Variants in TRIM2 observed in about 807,000 individuals in gnomAD.
TRIM2 encodes the protein tripartite motif-containing protein 2.
Under a neutral mutation model 75.2 loss-of-function variants are expected in TRIM2, and 20 were observed. That is an observed-to-expected ratio of 0.27 (90% confidence interval 0.19 to 0.39). The LOEUF (loss-of-function observed/expected upper bound fraction) is 0.39. Ranked by LOEUF, TRIM2 falls within the 10% of genes least tolerant of loss-of-function variation. TRIM2 has a pLI of 1.00. For missense variants in TRIM2, 660 were observed against 990.8 expected (o/e 0.67, Z 4.48); for synonymous variants, 373 against 388.3 (o/e 0.96, Z 0.46).
At chr4:153,213,302 T>C (rs1737575036) in intron 1 of TRIM2, among the ~76,000 whole-genome samples, 1 of 152,220 alleles carries the variant, frequency 6.6e-6, no homozygotes, top group African/African-American at 2.4e-5. Context: ...TTATATTCTT[T>C]TGCATGAATG....
Position 153,336,452 on chromosome 4 carries a change from G to C in TRIM2, c.*1486G>C, listed in dbSNP as rs1416921060. The C allele has an allele frequency of 1.0e-6, 1 of 985,328 alleles. No homozygotes were observed. The highest frequency in any genetic ancestry group is 1.2e-6 in the Non-Finnish European group (1 of 829,776). 61.0% of individuals were successfully genotyped at this position (985,328 alleles called of 1,614,324 possible). A position where few individuals can be genotyped will look rare whatever the true frequency, so the allele number is the denominator to read the frequency against. The stretch of plus-strand genomic sequence containing the variant: ...TTTAATTTAAATATAAATGCATTTT[G>C]AGAAATGTTAAGAACAATTTAGTCA... On this transcript the variant is annotated 3_prime_UTR_variant, in exon 12 of 12. Coordinates refer to ENST00000338700, the MANE Select transcript of TRIM2 (RefSeq NM_015271.5).
At chr4:153,294,546 A>G in intron 5 of TRIM2, 61 bp downstream of exon 5, 1 of 1,543,320 alleles carries the variant, frequency 6.5e-7, no homozygotes, top group Non-Finnish European at 8.8e-7. Context: ...GCACTAGCTT[A>G]TTGTTTCCTA....
rs747440517 is a variant in TRIM2 at position 153,295,348 on chromosome 4, G to T, written c.822G>T (p.Gly274=). The T allele has an allele frequency of 2.5e-6, 4 of 1,611,866 alleles. No homozygotes were observed. The highest frequency in any genetic ancestry group is 3.4e-6 in the Non-Finnish European group (4 of 1,178,904). ...LQSQLDTLLQ[G]QESIKSCSNF... ...CGCAGCTGGATACTCTGCTCCAGGG[G>T]CAGGAGAGCATTAAGAGCTGCAGCA... is the stretch of plus-strand genomic sequence containing the variant. Residue 274 remains glycine (G), a synonymous_variant, in exon 6 of 12, where the codon GGG becomes GGT. Transcript: ENST00000338700. The surrounding 1 kb of genome is among the most constrained non-coding windows in gnomAD (Gnocchi z 7.2).
At chr4:153,318,466 T>G (rs972399339) in intron 8 of TRIM2, among the ~76,000 whole-genome samples, 14 of 152,220 alleles carry the variant, frequency 9.2e-5, no homozygotes, top group African/African-American at 3.4e-4. Context: ...ACTAGAAATT[T>G]AATGGCTCTG....
chr4:153,255,617 GCAGAACATACGTCCGCA>G (rs1212095417), intron 1 of TRIM2, among the ~76,000 whole-genome samples: 69 of 152,334 alleles, frequency 4.5e-4, no homozygotes, highest in Middle Eastern at 3.4e-3. Flanking sequence ...AACTTCTAAA[GCAGAACATACGTCCGCA>G]CAAAACCTTG....
chr4:153,229,885 C>A (rs968230112), intron 1 of TRIM2, among the ~76,000 whole-genome samples: 2 of 152,296 alleles, frequency 1.3e-5, no homozygotes, highest in East Asian at 3.9e-4. Context: ...CATTTTCTCT[C>A]GTTCAAGTCC....
Position 153,335,537 on chromosome 4 carries a change from C to A in TRIM2, c.*571C>A, listed in dbSNP as rs974200798. The A allele has an allele frequency of 1.0e-6, 1 of 985,406 alleles. No homozygotes were observed. Among genetic ancestry groups the A allele is most frequent in the Non-Finnish European group, 1.2e-6 (1 of 829,926 alleles). 61.0% of individuals were successfully genotyped at this position (985,406 alleles called of 1,614,324 possible). On this transcript the variant is annotated 3_prime_UTR_variant, in exon 12 of 12. Transcript: ENST00000338700. ...ATGATCCCAGCTCTGATTAGCAGCC[C>A]TCTGGAGTTCAGAACTTAAGTATCA...
rs796141705 is a variant in TRIM2 at position 153,301,190 on chromosome 4, C to CAAA, written c.1510+5165_1510+5167dup. On this transcript the variant is annotated intron_variant, in intron 6 of 11. Transcript: ENST00000338700. Reference sequence around the variant, plus strand: ...TGAGTGACAGAGCGAGACTCTATCTCAAAAAAAAAAAAATAGACATGGGGT... The same window carrying CAAA: ...TGAGTGACAGAGCGAGACTCTATCTCAAAAAAAAAAAAAAAATAGACATGGGGT... Among the ~76,000 whole-genome samples the CAAA allele has an allele frequency of 7.0e-3, 962 of 138,322 alleles. 12 individuals carry two copies. The highest frequency in any genetic ancestry group is 0.024 in the African/African-American group (906 of 37,906). 90.7% of individuals were successfully genotyped at this position (138,322 alleles called of 152,430 possible).
In TRIM2 at chr4:153,322,795, A is replaced by C; in HGVS notation, c.1930A>C (p.Asn644His). The change falls in exon 9 of 12, where the codon AAT becomes CAT. Residue 644 changes from asparagine to histidine, a missense_variant. Transcript: ENST00000338700. The stretch of plus-strand genomic sequence containing the variant: ...AGTCACCAGGTTTGGTAGCCGAGGA[A>C]ATGGGGACAGGCAGTTTGCAGGTAC... ...KIVTRFGSRG[N>H]GDRQFAGPHF... The C allele has an allele frequency of 6.2e-7, 1 of 1,614,130 alleles. No homozygotes were observed. The highest frequency in any genetic ancestry group is 8.5e-7 in the Non-Finnish European group (1 of 1,180,012).
chr4:153,286,520 T>C (rs1760649415), intron 3 of TRIM2, among the ~76,000 whole-genome samples: 1 of 152,214 alleles, frequency 6.6e-6, no homozygotes, highest in Non-Finnish European at 1.5e-5. Context: ...ACAGGTCTAT[T>C]CAGACTTTGT....
intron 1 of TRIM2, among the ~76,000 whole-genome samples, chr4:153,251,526 A>T (rs968469445): frequency 6.6e-6 from 1 of 152,058 alleles, no homozygotes; most frequent in Non-Finnish European, 1.5e-5. Context: ...TATCTTTAAA[A>T]TTTTTTTCTA....
intron 1 of TRIM2, among the ~76,000 whole-genome samples, chr4:153,264,329 C>T (rs377310609): frequency 6.6e-6 from 1 of 152,248 alleles, no homozygotes; most frequent in South Asian, 2.1e-4. Flanking sequence ...GGCTTTTTGT[C>T]AATGTGTCTG....
At chr4:153,294,238 G>A (rs1273198208) in intron 4 of TRIM2, 67 bp from the exon 5 acceptor site, 3 of 1,534,976 alleles carry the variant, frequency 2.0e-6, no homozygotes, top group South Asian at 2.5e-5. Context: ...AAAATGTAGT[G>A]TTTAGATAGA....
chr4:153,221,840 GAAAGCGCGAGGAAAGAAGA>G lies in TRIM2; in HGVS notation c.30+17281_30+17299del, dbSNP rs1740238303. ...GGAGGGAGGAAATGAAGGAAGGAAG[GAAAGCGCGAGGAAAGAAGA>G]GAGAGAGGAAGGAAGGGAAGGAGGA... On this transcript the variant is annotated intron_variant, in intron 1 of 11. Transcript: ENST00000338700. 4.8e-5 allele frequency among the ~76,000 whole-genome samples: 5 copies of G among 103,230 alleles called. No individual in the cohort carries two copies. In the Admixed American group the frequency reaches 4.9e-4, roughly 10 times the overall value. 67.7% of individuals were successfully genotyped at this position (103,230 alleles called of 152,430 possible).
chr4:153,304,392 G>A (rs1764560310), intron 6 of TRIM2, among the ~76,000 whole-genome samples: 1 of 152,108 alleles, frequency 6.6e-6, no homozygotes, highest in Admixed American at 6.6e-5. Context: ...GGGATTACAG[G>A]CGTGAGCCAC....
At chr4:153,223,237 G>A (rs1337098984) in intron 1 of TRIM2, among the ~76,000 whole-genome samples, 2 of 152,158 alleles carry the variant, frequency 1.3e-5, no homozygotes, top group South Asian at 2.1e-4. Context: ...GAACCTGGAC[G>A]CCGCGCGGCT....
At chr4:153,309,248 G>A (rs1440044775) in intron 6 of TRIM2, among the ~76,000 whole-genome samples, 1 of 151,936 alleles carries the variant, frequency 6.6e-6, no homozygotes, top group Non-Finnish European at 1.5e-5. Flanking sequence ...GTGTGTATTG[G>A]GGAAAAAAGT....
chr4:153,301,704 A>G (rs928049894), intron 6 of TRIM2, among the ~76,000 whole-genome samples: 1 of 152,324 alleles, frequency 6.6e-6, no homozygotes, highest in Non-Finnish European at 1.5e-5. Flanking sequence ...ATTGTTCTGC[A>G]TGTAGACATG....
At chr4:153,332,942 A>G (rs536526487) in intron 11 of TRIM2, among the ~76,000 whole-genome samples, 1 of 152,346 alleles carries the variant, frequency 6.6e-6, no homozygotes, top group Admixed American at 6.5e-5. Flanking sequence ...TATACTTACC[A>G]TACAACCCAT....
Sources: gnomAD v4.1 joint callset for allele counts (sites outside exome capture counted in the v4.1 genomes callset) on GRCh38, gnomAD v4.1.1 for gene constraint, Gnocchi (gnomAD v3.1) non-coding constraint, MANE v1.5 for transcripts, NCBI Gene and HGNC (gene_info 2026-07-23, HGNC 2026-07-21) for gene names.